The following THOP1 variants were observed in gnomAD, a reference collection of about 807,000 sequenced individuals.
The protein encoded by THOP1 is thimet oligopeptidase 1, also known as thimet oligopeptidase.
A neutral mutation model predicts 71.8 loss-of-function variants in THOP1; 49 were observed. That is an observed-to-expected ratio of 0.68 (90% confidence interval 0.54 to 0.87). The LOEUF (loss-of-function observed/expected upper bound fraction) is 0.87. THOP1 is among the 40% of genes least tolerant of loss of function. The pLI is 0.00. For missense variants in THOP1, 843 were observed against 975.6 expected (o/e 0.86, Z 1.81); for synonymous variants, 426 against 421.5 (o/e 1.01, Z -0.13).
intron 12 of THOP1, chr19:2,812,131 G>A: frequency 7.0e-7 from 1 of 1,432,336 alleles, no homozygotes; most frequent in South Asian, 1.4e-5. Flanking sequence ...TCAGAGCCAT[G>A]GGCTGAGACA....
intron 6 of THOP1, 37 bp from the exon 7 acceptor site, chr19:2,806,880 G>A (rs755493688): frequency 1.2e-5 from 20 of 1,611,746 alleles, no homozygotes; most frequent in Non-Finnish European, 1.7e-6. Context: ...GGAGGGAGTG[G>A]CGCCCCTGGG....
intron 5 of THOP1, among the ~76,000 whole-genome samples, chr19:2,803,960 C>G (rs925396198): frequency 6.6e-6 from 1 of 152,046 alleles, no homozygotes; most frequent in African/African-American, 2.4e-5. Flanking sequence ...CCCAATCATT[C>G]TTTCCACCCT....
intron 12 of THOP1, among the ~76,000 whole-genome samples, chr19:2,812,909 C>CCT (rs1916516465): frequency 1.3e-5 from 2 of 152,318 alleles, no homozygotes; most frequent in South Asian, 2.1e-4. Context: ...TCTGCTGGCC[C>CCT]CTCAGTGCAC....
intron 3 of THOP1, 132 bp from the exon 4 acceptor site, chr19:2,795,949 G>A: frequency 3.1e-6 from 2 of 641,770 alleles, no homozygotes; most frequent in Non-Finnish European, 5.6e-6. Context: ...ATTTCTCTGA[G>A]ATAAATGCCC....
chr19:2,813,066 C>T, intron 12 of THOP1, 49 bp from the exon 13 acceptor site: 1 of 1,553,878 alleles, frequency 6.4e-7, no homozygotes, highest in South Asian at 1.2e-5. Context: ...GGTCCTCTGC[C>T]TTCCTCCCTG....
intron 4 of THOP1, among the ~76,000 whole-genome samples, chr19:2,799,037 C>T (rs1002700017): frequency 1.3e-5 from 2 of 152,130 alleles, no homozygotes; most frequent in African/African-American, 4.8e-5. Flanking sequence ...GTAAAATGTT[C>T]AAAAGCTGCC....
intron 12 of THOP1, chr19:2,812,376 C>T: frequency 4.0e-6 from 6 of 1,509,238 alleles, no homozygotes; most frequent in Admixed American, 2.1e-5. Context: ...CCTGCAGGTA[C>T]CTCGGAGCCA....
At position 2,813,261 on chromosome 19, in the gene THOP1, G is replaced by A. The variant is rs531925340; in HGVS notation, c.2055G>A (p.Glu685=). ...KGLQVGGCEP[E]PQVC Reference sequence around the variant, plus strand: ...TGCAGGTCGGGGGCTGCGAGCCCGAGCCGCAGGTCTGCTGAGGCCTGGCAC... The same window carrying A: ...TGCAGGTCGGGGGCTGCGAGCCCGAACCGCAGGTCTGCTGAGGCCTGGCAC... The change falls in exon 13 of 13, where the codon GAG becomes GAA. Residue 685 remains glutamate (E), a synonymous_variant. Coordinates refer to ENST00000307741, the MANE Select transcript of THOP1 (RefSeq NM_003249.5). The A allele has an allele frequency of 5.6e-6, 9 of 1,610,298 alleles. No individual in the cohort carries two copies. Among genetic ancestry groups the A allele is most frequent in the Non-Finnish European group, 7.6e-6 (9 of 1,179,214 alleles).
chr19:2,808,288 C>T lies in THOP1; in HGVS notation c.1299C>T (p.Gly433=). Residue 433 remains glycine (G), a synonymous_variant, in exon 9 of 13, where the codon GGC becomes GGT. Transcript: ENST00000307741. The part of the protein sequence containing the change: ...GHAACFGLQP[G]CLRQDGSRQI... ...CGGCCTGCTTTGGCCTGCAGCCCGG[C>T]TGCCTGCGGCAGGATGGGAGCCGCC... is the stretch of plus-strand genomic sequence containing the variant. The T allele has an allele frequency of 6.4e-7, 1 of 1,566,208 alleles. No homozygotes were observed. Among genetic ancestry groups the T allele is most frequent in the Non-Finnish European group, 8.7e-7 (1 of 1,155,680 alleles).
chr19:2,797,449 C>T (rs770841010), intron 4 of THOP1, among the ~76,000 whole-genome samples: 7 of 152,212 alleles, frequency 4.6e-5, no homozygotes, highest in South Asian at 2.1e-4. Flanking sequence ...TTTCCGAGGC[C>T]GGCCACTTGG....
At chr19:2,793,174 TCAAA>T (rs998553820) in intron 2 of THOP1, among the ~76,000 whole-genome samples, 5 of 151,696 alleles carry the variant, frequency 3.3e-5, no homozygotes, top group East Asian at 3.9e-4. Context: ...AAACTCTGTC[TCAAA>T]CAAACAAACA....
In THOP1 at chr19:2,794,846, GCT is replaced by G; in HGVS notation, c.317_318del (p.Ser106Ter). 1.2e-6 allele frequency: 2 copies of G among 1,614,038 alleles called. No homozygotes were observed. The highest frequency in any genetic ancestry group is 1.1e-5 in the South Asian group (1 of 91,086). On this transcript the variant is annotated frameshift_variant, in exon 3 of 13. Coordinates refer to ENST00000307741, the MANE Select transcript of THOP1 (RefSeq NM_003249.5). LOFTEE classifies it high-confidence loss of function. ...CAGCCAGCACAGAGGCCGACAAGAA[GCT>G]CTCTGAGTTCGACGTGGAGATGAGC... ...RTASTEADKK[L>X]SEFDVEMSMR...
intron 2 of THOP1, among the ~76,000 whole-genome samples, chr19:2,794,494 G>C (rs1004647680): frequency 3.9e-5 from 6 of 152,220 alleles, no homozygotes; most frequent in African/African-American, 1.4e-4. Flanking sequence ...GTCCTCCTTG[G>C]CTTGGAGGGC....
intron 4 of THOP1, among the ~76,000 whole-genome samples, 180 bp downstream of exon 4, chr19:2,796,368 AGGGAGTGCTGCGTCCCG>A (rs1289198252): frequency 7.0e-6 from 1 of 143,302 alleles, no homozygotes; most frequent in African/African-American, 2.6e-5. Context: ...TGCTGGGTTC[AGGGAGTGCTGCGTCCCG>A]GGGAGTGCTG....
In THOP1 at chr19:2,810,396, G is replaced by A. The variant is rs762331210; in HGVS notation, c.1548G>A (p.Glu516=). Residue 516 remains glutamate (E), a synonymous_variant, in exon 10 of 13, where the codon GAG becomes GAA. Coordinates refer to ENST00000307741, the MANE Select transcript of THOP1 (RefSeq NM_003249.5). ...TGGAGAACTGGGTGTGGGAGCAGGA[G>A]CCGCTGCTGCGGATGTCGCGGCACT... is the stretch of plus-strand genomic sequence containing the variant. The part of the protein sequence containing the change: ...QMLENWVWEQ[E]PLLRMSRHYR... 1.2e-5 allele frequency: 20 copies of A among 1,610,408 alleles called. No homozygotes were observed. The highest frequency in any genetic ancestry group is 1.6e-5 in the Non-Finnish European group (19 of 1,179,598).
At chr19:2,808,219 G>A (rs961865444) in intron 8 of THOP1, 24 bp from the exon 9 acceptor site, 4 of 1,545,070 alleles carry the variant, frequency 2.6e-6, no homozygotes, top group Non-Finnish European at 3.5e-6. Context: ...TCCCTGCGGG[G>A]CCTGACGCTG....
At chr19:2,811,123 C>T (rs1407998285) in intron 11 of THOP1, among the ~76,000 whole-genome samples, 7 of 152,208 alleles carry the variant, frequency 4.6e-5, no homozygotes, top group Admixed American at 3.9e-4. Context: ...GAGAAGTGGG[C>T]CCTGTTTCCA....
intron 2 of THOP1, among the ~76,000 whole-genome samples, chr19:2,793,133 C>T (rs2144760715): frequency 6.6e-6 from 1 of 152,164 alleles, no homozygotes; most frequent in Non-Finnish European, 1.5e-5. Flanking sequence ...CGAGATCACA[C>T]CATTGCACTC....
At chr19:2,794,177 G>A (rs995879191) in intron 2 of THOP1, among the ~76,000 whole-genome samples, 1 of 152,086 alleles carries the variant, frequency 6.6e-6, no homozygotes, top group East Asian at 1.9e-4. Context: ...ACCACGCCTG[G>A]CTAATTTTTG....
Sources: allele counts gnomAD v4.1 joint callset (sites outside exome capture counted in the v4.1 genomes callset), GRCh38; gene constraint gnomAD v4.1.1; transcripts MANE v1.5; gene names NCBI Gene and HGNC (gene_info 2026-07-23, HGNC 2026-07-21).